COL26A1: variants seen among roughly 807,000 people sequenced by gnomAD.
The protein encoded by COL26A1 is collagen type XXVI alpha 1 chain.
In COL26A1, 41 loss-of-function variants were observed where a neutral mutation model predicts 59.3. That is an observed-to-expected ratio of 0.69 (90% confidence interval 0.54 to 0.90). COL26A1 has a LOEUF of 0.90. Among genes scored for constraint, COL26A1 ranks in the 40% least tolerant of loss-of-function variants. COL26A1 has a pLI of 0.00. For missense variants in COL26A1, 612 were observed against 602.3 expected, an observed-to-expected ratio of 1.02 and a Z score of -0.17; for synonymous variants, 266 against 256.0, an observed-to-expected ratio of 1.04 and a Z score of -0.37.
At chr7:101,473,288 G>C (rs376517226) in intron 3 of COL26A1, among the ~76,000 whole-genome samples, 2 of 151,328 alleles carry the variant, frequency 1.3e-5, no homozygotes, top group African/African-American at 4.9e-5. Context: ...ACCATTCACC[G>C]CATGGTCTTG....
At chr7:101,374,001 C>T (rs901598899) in intron 1 of COL26A1, among the ~76,000 whole-genome samples, 1 of 152,176 alleles carries the variant, frequency 6.6e-6, no homozygotes, top group African/African-American at 2.4e-5. Context: ...ACCAATTCAG[C>T]CTGGGGCAGG....
chr7:101,399,650 A>C (rs1791944397), intron 1 of COL26A1, among the ~76,000 whole-genome samples: 1 of 151,148 alleles, frequency 6.6e-6, no homozygotes, highest in Admixed American at 6.6e-5. Flanking sequence ...ATAGAGACAG[A>C]GTTTCACCAT....
intron 2 of COL26A1, among the ~76,000 whole-genome samples, chr7:101,445,086 C>G (rs1375151037): frequency 6.6e-6 from 1 of 151,792 alleles, no homozygotes; most frequent in Non-Finnish European, 1.5e-5. Context: ...GATGATTCAC[C>G]CACCTCGGCC....
At chr7:101,519,095 G>A (rs1265194687) in intron 3 of COL26A1, among the ~76,000 whole-genome samples, 1 of 152,162 alleles carries the variant, frequency 6.6e-6, no homozygotes, top group Admixed American at 6.5e-5. Flanking sequence ...GCCATGACCT[G>A]TTACACTTGC....
At chr7:101,399,025 C>T (rs1234809305) in intron 1 of COL26A1, among the ~76,000 whole-genome samples, 9 of 152,088 alleles carry the variant, frequency 5.9e-5, no homozygotes, top group Non-Finnish European at 1.0e-4. Flanking sequence ...ATGAGAGACA[C>T]TAGGCGTGGT....
At chr7:101,529,071 C>T (rs1265213473) in intron 3 of COL26A1, among the ~76,000 whole-genome samples, 2 of 151,838 alleles carry the variant, frequency 1.3e-5, no homozygotes, top group Non-Finnish European at 2.9e-5. Flanking sequence ...GAGGCTGAGG[C>T]AGGAGAATCA....
At chr7:101,465,691 CAA>C (rs539721605) in intron 3 of COL26A1, among the ~76,000 whole-genome samples, 1,645 of 102,630 alleles carry the variant, frequency 0.016, 27 homozygotes, top group African/African-American at 0.054. Context: ...GAAACTGTCT[CAA>C]AAAAAAAAAA....
intron 1 of COL26A1, among the ~76,000 whole-genome samples, chr7:101,412,768 G>A (rs1792273276): frequency 6.6e-6 from 1 of 151,978 alleles, no homozygotes; most frequent in African/African-American, 2.4e-5. Flanking sequence ...CTCTGCTGCT[G>A]CTGTGCACTG....
At chr7:101,469,138 T>C (rs983032702) in intron 3 of COL26A1, among the ~76,000 whole-genome samples, 4 of 152,170 alleles carry the variant, frequency 2.6e-5, no homozygotes, top group Middle Eastern at 3.2e-3. Flanking sequence ...CTGGGGACAC[T>C]GTAGGGCAGA....
chr7:101,523,859 G>C (rs1795186580), intron 3 of COL26A1, among the ~76,000 whole-genome samples: 1 of 151,714 alleles, frequency 6.6e-6, no homozygotes, highest in South Asian at 2.1e-4. Flanking sequence ...ATACATTTTG[G>C]AATCAATCGG....
chr7:101,551,123 C>G lies in COL26A1; in HGVS notation c.1009C>G (p.Arg337Gly), dbSNP rs926155167. ...TPGSQGLAGE[R>G]GTVGPSGEPG... ...TTTTCTGCAGGGCCTGGCTGGAGAG[C>G]GAGGCACAGTGGGGCCGTCCGTAAG... The change falls in exon 10 of 13, where the codon CGA (arginine) becomes GGA (glycine). Residue 337 changes from arginine (R) to glycine (G), a missense_variant. Arg to Gly is a moderately radical substitution (Grantham distance 125). Coordinates refer to ENST00000313669, the MANE Select transcript of COL26A1 (RefSeq NM_001278563.3). 6.4e-7 allele frequency: 1 copy of G among 1,557,054 alleles called. No individual in the cohort carries two copies. Among genetic ancestry groups the G allele is most frequent in the East Asian group, 2.4e-5 (1 of 41,784 alleles).
At position 101,510,027 on chromosome 7, in the gene COL26A1, C is replaced by CT. The variant is rs3073374; in HGVS notation, c.386-23041dup. Among the ~76,000 whole-genome samples the CT allele has an allele frequency of 1.4e-3, 175 of 122,254 alleles. 3 individuals carry two copies. The highest frequency in any genetic ancestry group is 3.3e-3 in the Admixed American group (41 of 12,526). 80.2% of individuals were successfully genotyped at this position (122,254 alleles called of 152,430 possible). A position where few individuals can be genotyped will look rare whatever the true frequency, so the allele number is the denominator to read the frequency against. On this transcript the variant is annotated intron_variant, in intron 3 of 12. Transcript: ENST00000313669. Reference sequence around the variant, plus strand: ...ATAGGCATAAGCCATCGCGCCCAGTCTTTTTTTTTTTTTTAAGAGGGTCTC... The same window carrying CT: ...ATAGGCATAAGCCATCGCGCCCAGTCTTTTTTTTTTTTTTTAAGAGGGTCTC...
intron 1 of COL26A1, among the ~76,000 whole-genome samples, chr7:101,388,198 C>A (rs571033684): frequency 6.6e-6 from 1 of 151,904 alleles, no homozygotes; most frequent in Non-Finnish European, 1.5e-5. Context: ...CTGGGCCGGG[C>A]GCCGTGGCTC....
intron 1 of COL26A1, among the ~76,000 whole-genome samples, chr7:101,405,750 G>T (rs1792114506): frequency 6.6e-6 from 1 of 152,254 alleles, no homozygotes; most frequent in Admixed American, 6.5e-5. Context: ...GGGGATCACT[G>T]CTGAAGTGCT....
chr7:101,437,512 G>A (rs1432450727), intron 2 of COL26A1, among the ~76,000 whole-genome samples: 1 of 152,044 alleles, frequency 6.6e-6, no homozygotes, highest in African/African-American at 2.4e-5. Flanking sequence ...GGATGGCCAA[G>A]GTATACAGTA....
At chr7:101,505,009 G>A (rs985219785) in intron 3 of COL26A1, among the ~76,000 whole-genome samples, 1 of 152,182 alleles carries the variant, frequency 6.6e-6, no homozygotes, top group African/African-American at 2.4e-5. Context: ...CAAAAAATTA[G>A]CCGGGTATGG....
chr7:101,512,844 T>C (rs1036319184), intron 3 of COL26A1, among the ~76,000 whole-genome samples: 1 of 152,104 alleles, frequency 6.6e-6, no homozygotes, highest in African/African-American at 2.4e-5. Context: ...TAGAAGATAA[T>C]AGAGTTTGAT....
chr7:101,430,317 T>C (rs1792749129), intron 2 of COL26A1, among the ~76,000 whole-genome samples: 1 of 152,172 alleles, frequency 6.6e-6, no homozygotes, highest in Non-Finnish European at 1.5e-5. Flanking sequence ...GGAGTCTCAC[T>C]CTGTTGCCCA....
intron 3 of COL26A1, among the ~76,000 whole-genome samples, chr7:101,531,699 A>T (rs1402611180): frequency 6.6e-6 from 1 of 151,854 alleles, no homozygotes; most frequent in Admixed American, 6.6e-5. Flanking sequence ...ACCTATTCCC[A>T]GGGTCCTGAG....
Sources: allele counts gnomAD v4.1 joint callset (sites outside exome capture counted in the v4.1 genomes callset), GRCh38; gene constraint gnomAD v4.1.1; transcripts MANE v1.5; gene names NCBI Gene and HGNC (gene_info 2026-07-23, HGNC 2026-07-21).